HMGCLL1: variants seen among roughly 807,000 people sequenced by gnomAD.
HMGCLL1 encodes the protein 3-hydroxy-3-methylglutaryl-CoA lyase like 1, also known as 3-hydroxymethyl-3-methylglutaryl-CoA lyase, cytoplasmic.
In HMGCLL1, 36 loss-of-function variants were observed where a neutral mutation model predicts 39.1. The observed-to-expected ratio is 0.92, with a 90% CI of 0.71 to 1.22. HMGCLL1 has a LOEUF of 1.22. Ranked by LOEUF, HMGCLL1 falls within the 50% of genes most tolerant of loss-of-function variation. The probability of loss-of-function intolerance (pLI) is 0.00; values close to 1 mark genes in which losing one functional copy is unlikely to be tolerated. For synonymous variants in HMGCLL1, 149 were observed against 144.0 expected (o/e 1.03, Z -0.25); for missense variants, 451 against 416.5 (o/e 1.08, Z -0.72).
intron 5 of HMGCLL1, among the ~76,000 whole-genome samples, chr6:55,508,843 A>C (rs1454814277): frequency 2.0e-5 from 3 of 151,866 alleles, no homozygotes; most frequent in Non-Finnish European, 4.4e-5. Context: ...TGTGTAAATT[A>C]AAATTCTACT....
the HMGCLL1 span, among the ~76,000 whole-genome samples, chr6:55,647,099 G>A: frequency 2.0e-5 from 3 of 151,834 alleles, no homozygotes; most frequent in African/African-American, 7.2e-5. Flanking sequence ...TACAATCAAT[G>A]TATTCTCTTG....
intron 3 of HMGCLL1, among the ~76,000 whole-genome samples, chr6:55,532,855 A>C (rs1290204397): frequency 6.8e-6 from 1 of 147,252 alleles, no homozygotes; most frequent in Non-Finnish European, 1.5e-5. Flanking sequence ...TAATAATAAT[A>C]GTTTCCACCA....
intron 1 of HMGCLL1, among the ~76,000 whole-genome samples, chr6:55,563,445 CTA>C (rs1451233295): frequency 4.6e-5 from 7 of 151,966 alleles, no homozygotes; most frequent in African/African-American, 1.5e-4. Context: ...TATGGAAATT[CTA>C]TGTTTTATTG....
At chr6:55,577,670 A>G (rs1250765187) in intron 1 of HMGCLL1, among the ~76,000 whole-genome samples, 2 of 152,228 alleles carry the variant, frequency 1.3e-5, no homozygotes, top group African/African-American at 4.8e-5. Flanking sequence ...TTCACTCAAA[A>G]AGAAAAATCA....
intron 7 of HMGCLL1, among the ~76,000 whole-genome samples, chr6:55,466,402 C>A (rs867513134): frequency 2.0e-5 from 3 of 152,100 alleles, no homozygotes; most frequent in Non-Finnish European, 4.4e-5. Context: ...CTTTGAGAAT[C>A]CGCTTTGAGA....
chr6:55,489,152 G>T (rs1168527657), intron 7 of HMGCLL1, among the ~76,000 whole-genome samples: 1 of 151,924 alleles, frequency 6.6e-6, no homozygotes, highest in Non-Finnish European at 1.5e-5. Context: ...TTGTAAATAT[G>T]AACTTTCAAG....
chr6:55,610,200 A>C, the HMGCLL1 span, among the ~76,000 whole-genome samples: 1 of 152,146 alleles, frequency 6.6e-6, no homozygotes, highest in Non-Finnish European at 1.5e-5. Flanking sequence ...AATTGACAGA[A>C]GTAGGCTTCA....
chr6:55,613,296 A>G, the HMGCLL1 span, among the ~76,000 whole-genome samples: 1 of 152,228 alleles, frequency 6.6e-6, no homozygotes, highest in African/African-American at 2.4e-5. Context: ...AAGAAACAAC[A>G]GATGCTTGTG....
intron 1 of HMGCLL1, among the ~76,000 whole-genome samples, chr6:55,561,599 T>C (rs577282600): frequency 6.6e-6 from 1 of 152,168 alleles, no homozygotes; most frequent in Non-Finnish European, 1.5e-5. Flanking sequence ...AGGAGCAGTA[T>C]TTGAAAACCA....
chr6:55,650,132 TATACACACACACACACA>T, the HMGCLL1 span, among the ~76,000 whole-genome samples: 1 of 50,798 alleles, frequency 2.0e-5, no homozygotes, highest in Non-Finnish European at 3.7e-5. Context: ...TATATATATA[TATACACACACACACACA>T]TATGTATATA....
intron 5 of HMGCLL1, among the ~76,000 whole-genome samples, chr6:55,507,721 A>T (rs1767242637): frequency 6.6e-6 from 1 of 151,762 alleles, no homozygotes; most frequent in African/African-American, 2.4e-5. Flanking sequence ...GAGACCTGAA[A>T]CTTACATCAC....
At chr6:55,625,018 G>A in the HMGCLL1 span, among the ~76,000 whole-genome samples, 8 of 152,220 alleles carry the variant, frequency 5.3e-5, no homozygotes, top group African/African-American at 1.2e-4. Context: ...CCAGCAGATC[G>A]AATGGTGCTT....
chr6:55,463,248 T>G (rs969491907), intron 7 of HMGCLL1, among the ~76,000 whole-genome samples: 3 of 151,868 alleles, frequency 2.0e-5, no homozygotes, highest in Non-Finnish European at 2.9e-5. Flanking sequence ...GCCAGGCTGG[T>G]CTCGAACTCC....
At chr6:55,461,377 T>A (rs1764557490) in intron 7 of HMGCLL1, among the ~76,000 whole-genome samples, 1 of 151,954 alleles carries the variant, frequency 6.6e-6, no homozygotes, top group African/African-American at 2.4e-5. Flanking sequence ...ATTGTAATTC[T>A]CCAAGTAAAA....
chr6:55,563,021 C>G (rs1179336348), intron 1 of HMGCLL1, among the ~76,000 whole-genome samples: 1 of 151,948 alleles, frequency 6.6e-6, no homozygotes, highest in Non-Finnish European at 1.5e-5. Context: ...AACCTACATA[C>G]ATAAAGACAC....
chr6:55,635,046 A>G, the HMGCLL1 span, among the ~76,000 whole-genome samples: 1 of 152,144 alleles, frequency 6.6e-6, no homozygotes, highest in Non-Finnish European at 1.5e-5. Context: ...AACTGAAAAT[A>G]AAGTGACTTA....
chr6:55,644,023 C>A, the HMGCLL1 span, among the ~76,000 whole-genome samples: 1 of 152,024 alleles, frequency 6.6e-6, no homozygotes, highest in Non-Finnish European at 1.5e-5. Flanking sequence ...TTCCTCCCAC[C>A]AGTTTACTCT....
chr6:55,631,515 C>T, the HMGCLL1 span, among the ~76,000 whole-genome samples: 1 of 152,062 alleles, frequency 6.6e-6, no homozygotes, highest in Non-Finnish European at 1.5e-5. Context: ...CTTTCAGAAA[C>T]AATGCAGTCC....
At chr6:55,464,078 C>T (rs1764696821) in intron 7 of HMGCLL1, among the ~76,000 whole-genome samples, 1 of 152,096 alleles carries the variant, frequency 6.6e-6, no homozygotes, top group Admixed American at 6.6e-5. Flanking sequence ...CTAGAATTAA[C>T]ATTTTGAAAG....
Sources: allele counts gnomAD v4.1 joint callset (sites outside exome capture counted in the v4.1 genomes callset), GRCh38; gene constraint gnomAD v4.1.1; transcripts MANE v1.5; gene names NCBI Gene and HGNC (gene_info 2026-07-23, HGNC 2026-07-21).